The following NLGN4Y variants were observed in gnomAD, a reference collection of about 807,000 sequenced individuals.
The protein encoded by NLGN4Y is neuroligin-4, Y-linked.
Under a neutral mutation model 8.4 loss-of-function variants are expected in NLGN4Y, and 4 were observed. That is an observed-to-expected ratio of 0.48 (90% CI 0.23 to 1.09). The LOEUF (loss-of-function observed/expected upper bound fraction) is 1.09. NLGN4Y is among the 50% of genes least tolerant of loss of function. NLGN4Y has a pLI of 0.19. For synonymous variants in NLGN4Y, 35 were observed against 75.6 expected (o/e 0.46, Z 2.78); for missense variants, 90 against 192.3 (o/e 0.47, Z 3.15).
intron 4 of NLGN4Y, among the ~76,000 whole-genome samples, chrY:14,820,154 G>A: frequency 3.0e-5 from 1 of 32,943 alleles, no homozygotes; most frequent in South Asian, 7.0e-4. Context: ...ACCAATAAAT[G>A]TCGGATTTAG....
intron 4 of NLGN4Y, among the ~76,000 whole-genome samples, chrY:14,738,642 C>T (rs1042965207): frequency 6.2e-5 from 2 of 32,320 alleles, no homozygotes; most frequent in African/African-American, 2.4e-4. Flanking sequence ...TTTTCAGTAA[C>T]GTTAACTCAT....
At chrY:14,826,073 C>T (rs1026906167) in intron 5 of NLGN4Y, among the ~76,000 whole-genome samples, 1 of 33,674 alleles carries the variant, frequency 3.0e-5, no homozygotes, top group African/African-American at 1.2e-4. Context: ...GAGAAGTCCA[C>T]AGGAATTTGT....
chrY:14,688,982 AATATT>A (rs2080800946), intron 2 of NLGN4Y, among the ~76,000 whole-genome samples: 1 of 29,075 alleles, frequency 3.4e-5, no homozygotes, highest in Non-Finnish European at 8.0e-5. Context: ...TATTAACATT[AATATT>A]ATATTATATA....
At chrY:14,758,243 G>C in intron 4 of NLGN4Y, among the ~76,000 whole-genome samples, 4 of 32,979 alleles carry the variant, frequency 1.2e-4, no homozygotes, top group South Asian at 1.4e-3. Flanking sequence ...TTGTGAATTG[G>C]CTGCTGTATT....
intron 1 of NLGN4Y, among the ~76,000 whole-genome samples, chrY:14,617,252 C>T: frequency 3.9e-5 from 1 of 25,457 alleles, no homozygotes; most frequent in Non-Finnish European, 8.8e-5. Context: ...TTATCATAGA[C>T]TAGGATTGCA....
intron 1 of NLGN4Y, among the ~76,000 whole-genome samples, chrY:14,553,851 C>A: frequency 6.3e-5 from 2 of 31,546 alleles, no homozygotes; most frequent in Admixed American, 6.2e-4. Context: ...CTCATTAGAG[C>A]AGGTTGATAT....
At chrY:14,836,713 C>T in intron 6 of NLGN4Y, among the ~76,000 whole-genome samples, 1 of 32,676 alleles carries the variant, frequency 3.1e-5, no homozygotes, top group East Asian at 8.0e-4. Context: ...TCTCAAACTT[C>T]TGACCTCATG....
Position 14,622,592 on chromosome Y carries a change from G to A in NLGN4Y, c.472+1G>A, listed in dbSNP as rs1394952815. 2 of 379,043 alleles carry A rather than the reference G, an allele frequency of 5.3e-6. No homozygotes were observed. The highest frequency in any genetic ancestry group is 1.5e-4 in the Admixed American group (2 of 13,595). 94.5% of individuals were successfully genotyped at this position (379,043 alleles called of 400,897 possible). On this transcript the variant is annotated splice_donor_variant, in intron 2 of 6. Transcript: ENST00000684976. LOFTEE classifies it high-confidence loss of function. The stretch of plus-strand genomic sequence containing the variant: ...AACATCTATGTGCCCATGGAAGATG[G>A]TGAGTACCTCACTGGAACAGAAAAC...
intron 5 of NLGN4Y, among the ~76,000 whole-genome samples, chrY:14,827,682 T>G: frequency 3.0e-5 from 1 of 33,185 alleles, no homozygotes; most frequent in Admixed American, 2.7e-4. Context: ...CTTGGGATGT[T>G]GAAGTGGGAG....
At chrY:14,564,584 C>T (rs909282320) in intron 1 of NLGN4Y, among the ~76,000 whole-genome samples, 1 of 33,915 alleles carries the variant, frequency 2.9e-5, no homozygotes, top group East Asian at 8.1e-4. Context: ...CTGCTCTGGA[C>T]AGGGCATCTC....
At chrY:14,742,255 T>G (rs2081008532) in intron 4 of NLGN4Y, among the ~76,000 whole-genome samples, 1 of 33,093 alleles carries the variant, frequency 3.0e-5, no homozygotes, top group Non-Finnish European at 7.5e-5. Context: ...AAATGGGGCT[T>G]TCAACTACTG....
At chrY:14,574,732 T>C in intron 1 of NLGN4Y, among the ~76,000 whole-genome samples, 1 of 33,483 alleles carries the variant, frequency 3.0e-5, no homozygotes, top group African/African-American at 1.2e-4. Context: ...CTGGTACCAG[T>C]TGTTCCTTTC....
intron 4 of NLGN4Y, among the ~76,000 whole-genome samples, chrY:14,810,279 G>C: frequency 2.9e-5 from 1 of 34,156 alleles, no homozygotes; most frequent in East Asian, 7.6e-4. Flanking sequence ...GTCTGGGTGT[G>C]ATGGCTCATG....
intron 4 of NLGN4Y, among the ~76,000 whole-genome samples, chrY:14,734,983 A>G (rs1603503337): frequency 2.9e-5 from 1 of 34,069 alleles, no homozygotes; most frequent in East Asian, 7.7e-4. Context: ...ACAATTGTAT[A>G]TGATAGTGAT....
chrY:14,571,049 A>C (rs761824303), intron 1 of NLGN4Y, among the ~76,000 whole-genome samples: 1 of 32,997 alleles, frequency 3.0e-5, no homozygotes, highest in Non-Finnish European at 7.4e-5. Flanking sequence ...ATAGTGCAGC[A>C]ATAAACACAC....
At chrY:14,579,168 C>G (rs2150485008) in intron 1 of NLGN4Y, among the ~76,000 whole-genome samples, 1 of 33,921 alleles carries the variant, frequency 2.9e-5, no homozygotes, top group Non-Finnish European at 7.3e-5. Context: ...TAGAGTTAAA[C>G]TTTGAGGAGA....
chrY:14,682,432 A>G (rs2150533709), intron 2 of NLGN4Y, among the ~76,000 whole-genome samples: 1 of 33,504 alleles, frequency 3.0e-5, no homozygotes, highest in South Asian at 6.7e-4. Flanking sequence ...AGTAGAAGCA[A>G]CAATCTCTTG....
chrY:14,585,513 G>C (rs1007315146), intron 1 of NLGN4Y, among the ~76,000 whole-genome samples: 6 of 33,279 alleles, frequency 1.8e-4, no homozygotes, highest in Admixed American at 1.6e-3. Flanking sequence ...AATTTTGCCA[G>C]AGGTGGGGAA....
intron 2 of NLGN4Y, among the ~76,000 whole-genome samples, chrY:14,699,112 A>T (rs998988608): frequency 1.8e-4 from 6 of 32,801 alleles, no homozygotes; most frequent in Non-Finnish European, 7.5e-5. Context: ...GTTTTAGATG[A>T]GAAATTCATA....
Sources: allele counts gnomAD v4.1 joint callset (sites outside exome capture counted in the v4.1 genomes callset), GRCh38; gene constraint gnomAD v4.1.1; transcripts MANE v1.5; gene names NCBI Gene and HGNC (gene_info 2026-07-23, HGNC 2026-07-21).